Variants in RORB observed in about 807,000 individuals in gnomAD.
RORB encodes nuclear receptor ROR-beta.
In RORB, 6 loss-of-function variants were observed where a neutral mutation model predicts 59.1. That is an observed-to-expected ratio of 0.10 (90% CI 0.06 to 0.20). The LOEUF is 0.20. Among genes scored for constraint, RORB ranks in the 10% least tolerant of loss-of-function variants. The probability of loss-of-function intolerance (pLI) is 1.00; values close to 1 mark genes in which losing one functional copy is unlikely to be tolerated. For synonymous variants in RORB, 215 were observed against 204.5 expected, an observed-to-expected ratio of 1.05 and a Z score of -0.44; for missense variants, 320 against 560.5, an observed-to-expected ratio of 0.57 and a Z score of 4.33.
At chr9:74,573,652 T>C (rs1223674124) in intron 1 of RORB, among the ~76,000 whole-genome samples, 1 of 152,104 alleles carries the variant, frequency 6.6e-6, no homozygotes, top group Non-Finnish European at 1.5e-5. Context: ...ATCTCCCGGC[T>C]ACTGTCTGGT....
Position 74,633,581 on chromosome 9 carries a change from T to C in RORB, c.94-1050T>C, listed in dbSNP as rs1823653649. On this transcript the variant is annotated intron_variant, in intron 2 of 9. Transcript: ENST00000376896. Reference sequence around the variant, plus strand: ...AGCAAAGAGTAATTAGGGAAATCGATTACATGAGTCAGTGAATGGACGAAT... The same window carrying C: ...AGCAAAGAGTAATTAGGGAAATCGACTACATGAGTCAGTGAATGGACGAAT... Among the ~76,000 whole-genome samples the C allele has an allele frequency of 2.0e-5, 3 of 152,200 alleles. 1 individual carries two copies. Among genetic ancestry groups the C allele is most frequent in the African/African-American group, 7.2e-5 (3 of 41,456 alleles).
intron 9 of RORB, among the ~76,000 whole-genome samples, chr9:74,679,597 G>C (rs986454421): frequency 6.6e-6 from 1 of 152,120 alleles, no homozygotes; most frequent in African/African-American, 2.4e-5. Context: ...CTACGTGCCA[G>C]GTGCAAGGAG....
chr9:74,538,686 C>T (rs1323438243), intron 1 of RORB, among the ~76,000 whole-genome samples: 5 of 142,298 alleles, frequency 3.5e-5, no homozygotes, highest in Non-Finnish European at 7.5e-5. Context: ...TGATCTACTT[C>T]ATAAAGTAAT....
chr9:74,588,776 T>C (rs2118279640), intron 1 of RORB, among the ~76,000 whole-genome samples: 1 of 152,334 alleles, frequency 6.6e-6, no homozygotes, highest in African/African-American at 2.4e-5. Flanking sequence ...CTAAAGCACA[T>C]GTATTACCTT....
intron 9 of RORB, among the ~76,000 whole-genome samples, chr9:74,680,226 G>A (rs753997542): frequency 6.6e-6 from 1 of 152,120 alleles, no homozygotes; most frequent in African/African-American, 2.4e-5. Context: ...TAGAACTCAA[G>A]GTTAAAAATG....
chr9:74,561,623 G>A (rs943732204), intron 1 of RORB, among the ~76,000 whole-genome samples: 1 of 152,046 alleles, frequency 6.6e-6, no homozygotes, highest in East Asian at 1.9e-4. Context: ...TTATAGGAAG[G>A]TGCAAAAATA....
chr9:74,565,891 T>C (rs1042234057), intron 1 of RORB, among the ~76,000 whole-genome samples: 12 of 152,280 alleles, frequency 7.9e-5, no homozygotes, highest in Admixed American at 4.6e-4. Flanking sequence ...TAATTCGAAT[T>C]AAAACTTCCC....
intron 1 of RORB, among the ~76,000 whole-genome samples, chr9:74,597,986 T>A (rs1425790408): frequency 1.3e-5 from 2 of 152,110 alleles, no homozygotes; most frequent in Non-Finnish European, 2.9e-5. Flanking sequence ...ATTGGTTACA[T>A]GCTGAAATGA....
intron 1 of RORB, among the ~76,000 whole-genome samples, chr9:74,549,349 C>CA (rs987183958): frequency 6.6e-5 from 10 of 150,750 alleles, no homozygotes; most frequent in Admixed American, 3.3e-4. Context: ...GAGGCTGAGG[C>CA]AGGGGAATCG....
intron 1 of RORB, among the ~76,000 whole-genome samples, chr9:74,516,792 T>C (rs1453978386): frequency 6.6e-6 from 1 of 151,984 alleles, no homozygotes; most frequent in Non-Finnish European, 1.5e-5. Flanking sequence ...TTGATTTGAG[T>C]CTGGTGTTTT....
chr9:74,661,512 CAT>C (rs1263489370), intron 5 of RORB, among the ~76,000 whole-genome samples: 1 of 151,582 alleles, frequency 6.6e-6, no homozygotes, highest in African/African-American at 2.4e-5. Flanking sequence ...AATTAACACA[CAT>C]AGATTTCTGT....
At chr9:74,498,711 A>G (rs2118001104) in intron 1 of RORB, 1 of 153,444 alleles carries the variant, frequency 6.5e-6, no homozygotes, top group East Asian at 1.9e-4. Context: ...GAAAGGCCAC[A>G]CTGCTCACAG....
chr9:74,679,640 G>A (rs1587421286), intron 9 of RORB, among the ~76,000 whole-genome samples: 1 of 152,108 alleles, frequency 6.6e-6, no homozygotes, highest in Non-Finnish European at 1.5e-5. Context: ...AGGTTTCGTT[G>A]AGGAACTCCA....
intron 1 of RORB, among the ~76,000 whole-genome samples, chr9:74,569,906 A>T (rs184245894): frequency 6.6e-6 from 1 of 152,026 alleles, no homozygotes; most frequent in African/African-American, 2.4e-5. Flanking sequence ...TGAAATTTTT[A>T]TTCGATTTTT....
chr9:74,592,951 C>T (rs1822921532), intron 1 of RORB, among the ~76,000 whole-genome samples: 1 of 152,004 alleles, frequency 6.6e-6, no homozygotes, highest in Non-Finnish European at 1.5e-5. Context: ...GCTTTCTGAA[C>T]CTTAGGAAAG....
intron 1 of RORB, among the ~76,000 whole-genome samples, chr9:74,554,035 A>G (rs1196054256): frequency 6.6e-6 from 1 of 152,198 alleles, no homozygotes; most frequent in Non-Finnish European, 1.5e-5. Context: ...GCGAATTCTC[A>G]GGCCCCACCT....
At position 74,618,876 on chromosome 9, in the gene RORB, G is replaced by A. The variant is rs146960003; in HGVS notation, c.8-11406G>A. On this transcript the variant is annotated intron_variant, in intron 1 of 9. Transcript: ENST00000376896. ...TATTTATATTTAACAAGCATGCATT[G>A]AATCCTTGGTCTTTTCAAGTATTCT... 1.7e-3 allele frequency among the ~76,000 whole-genome samples: 255 copies of A among 152,212 alleles called. 1 individual carries two copies. Among genetic ancestry groups the A allele is most frequent in the African/African-American group, 5.8e-3 (240 of 41,530 alleles).
At chr9:74,500,296 C>A (rs756324926) in intron 1 of RORB, among the ~76,000 whole-genome samples, 11 of 152,112 alleles carry the variant, frequency 7.2e-5, no homozygotes, top group African/African-American at 2.4e-4. Flanking sequence ...CTTACTACCT[C>A]TTCATATTTT....
chr9:74,647,383 A>T (rs1466899227), intron 4 of RORB, among the ~76,000 whole-genome samples: 2 of 152,222 alleles, frequency 1.3e-5, no homozygotes, highest in African/African-American at 4.8e-5. Flanking sequence ...TGTATCTACA[A>T]CGTCTCAGAC....
Sources: allele counts gnomAD v4.1 joint callset (sites outside exome capture counted in the v4.1 genomes callset), GRCh38; gene constraint gnomAD v4.1.1; transcripts MANE v1.5; gene names NCBI Gene and HGNC (gene_info 2026-07-23, HGNC 2026-07-21).